EPB41: variants seen among roughly 807,000 people sequenced by gnomAD.
EPB41 encodes erythrocyte membrane protein band 4.1, also known as protein 4.1.
Under a neutral mutation model 108.0 loss-of-function variants are expected in EPB41, and 65 were observed. That is an observed-to-expected ratio of 0.60 (90% confidence interval 0.49 to 0.74). The LOEUF (loss-of-function observed/expected upper bound fraction) is 0.74, where lower values mean the gene tolerates loss of function less well. Among genes scored for constraint, EPB41 ranks in the 30% least tolerant of loss-of-function variants. The pLI is 0.00. For missense variants in EPB41, 875 were observed against 1,037.0 expected (o/e 0.84, Z 2.15); for synonymous variants, 336 against 358.9 (o/e 0.94, Z 0.72).
At chr1:28,980,828 ACT>A (rs2095723656) in intron 1 of EPB41, among the ~76,000 whole-genome samples, 1 of 125,870 alleles carries the variant, frequency 7.9e-6, no homozygotes, top group Non-Finnish European at 1.6e-5. Context: ...ATAGAGTCTC[ACT>A]CTGTCACCCA....
intron 17 of EPB41, among the ~76,000 whole-genome samples, chr1:29,100,469 T>A (rs376543512): frequency 6.9e-6 from 1 of 144,104 alleles, no homozygotes; most frequent in African/African-American, 2.5e-5. Context: ...TCTCAAAAAA[T>A]AAATAAATAA....
At chr1:28,995,709 T>C (rs938261751) in intron 3 of EPB41, among the ~76,000 whole-genome samples, 1 of 152,234 alleles carries the variant, frequency 6.6e-6, no homozygotes, top group African/African-American at 2.4e-5. Flanking sequence ...GTAAAAGATA[T>C]GAAGATTCAT....
intron 1 of EPB41, chr1:28,891,077 C>T: frequency 3.8e-6 from 3 of 797,584 alleles, no homozygotes; most frequent in Non-Finnish European, 4.6e-6. Context: ...GGGGTTTCCC[C>T]AGAGGGGCAG....
chr1:29,027,282 C>T (rs773624769), intron 7 of EPB41, among the ~76,000 whole-genome samples: 28 of 151,696 alleles, frequency 1.8e-4, no homozygotes, highest in Non-Finnish European at 3.7e-4. Flanking sequence ...CTACAGGTCA[C>T]TGCACCCAGC....
rs1646847401 is a variant in EPB41 at position 29,063,306 on chromosome 1, A to C, written c.2008-1676A>C. ...CCCATAGTGAAGTCCATATTCATAA[A>C]ATATATTCACATTTCATCCCAGCAA... On this transcript the variant is annotated intron_variant, in intron 15 of 20. Transcript: ENST00000343067. 2.6e-5 allele frequency among the ~76,000 whole-genome samples: 4 copies of C among 152,180 alleles called. No homozygotes were observed. The South Asian group carries it at 8.3e-4, about 31-fold the overall frequency.
upstream of EPB41, among the ~76,000 whole-genome samples, chr1:28,911,509 G>T (rs1315813861): frequency 1.3e-5 from 2 of 152,160 alleles, no homozygotes; most frequent in Admixed American, 6.5e-5. Flanking sequence ...ATGTGCCATT[G>T]GCTAGCACTT....
intron 1 of EPB41, among the ~76,000 whole-genome samples, chr1:28,980,483 G>A (rs1325414921): frequency 6.6e-6 from 1 of 152,100 alleles, no homozygotes; most frequent in Non-Finnish European, 1.5e-5. Context: ...GCTGAGGCAG[G>A]AGGATCATTT....
Position 28,950,858 on chromosome 1 carries a change from G to A in EPB41, c.-8+36090G>A, listed in dbSNP as rs540887018. Among the ~76,000 whole-genome samples the A allele has an allele frequency of 4.6e-5, 7 of 151,826 alleles. No homozygotes were observed. The East Asian group carries it at 9.6e-4, about 21-fold the overall frequency. On this transcript the variant is annotated intron_variant, in intron 1 of 20. Transcript: ENST00000343067. ...TTTCTGTACTTTTTTTTTTTGAGAC[G>A]GAGTTTTGCTCTTGTTGCCCAGGCT...
At chr1:28,970,643 T>G (rs1430298895) in intron 1 of EPB41, among the ~76,000 whole-genome samples, 1 of 152,226 alleles carries the variant, frequency 6.6e-6, no homozygotes, top group African/African-American at 2.4e-5. Flanking sequence ...ATAATGGCAT[T>G]AAAGACTTTT....
intron 1 of EPB41, among the ~76,000 whole-genome samples, chr1:28,900,066 GT>G (rs1218709165): frequency 2.0e-5 from 3 of 152,108 alleles, no homozygotes; most frequent in African/African-American, 7.2e-5. Flanking sequence ...TATTATTGTT[GT>G]TTTTGTCATC....
intron 7 of EPB41, among the ~76,000 whole-genome samples, chr1:29,027,560 A>G (rs1360783775): frequency 6.6e-6 from 1 of 151,542 alleles, no homozygotes; most frequent in African/African-American, 2.4e-5. Context: ...CAAACTCCCA[A>G]CCTCAGGTGA....
At chr1:29,046,890 T>A (rs533704607) in intron 11 of EPB41, among the ~76,000 whole-genome samples, 1 of 152,192 alleles carries the variant, frequency 6.6e-6, no homozygotes, top group Non-Finnish European at 1.5e-5. Context: ...GTCGTAATAC[T>A]CTTTTCTTTT....
At chr1:28,891,902 A>G (rs2090149779) in intron 1 of EPB41, among the ~76,000 whole-genome samples, 1 of 152,084 alleles carries the variant, frequency 6.6e-6, no homozygotes, top group Admixed American at 6.5e-5. Context: ...AGCCTGGCTA[A>G]CACGGTGAAA....
At chr1:28,962,861 G>A (rs1415451440) in intron 1 of EPB41, among the ~76,000 whole-genome samples, 1 of 152,054 alleles carries the variant, frequency 6.6e-6, no homozygotes, top group Non-Finnish European at 1.5e-5. Flanking sequence ...TGGGTGTGGG[G>A]TTCTCTCTCA....
At position 29,067,648 on chromosome 1, in the gene EPB41, C is replaced by T. The variant is rs192618131; in HGVS notation, c.2184+2490C>T. On this transcript the variant is annotated intron_variant, in intron 16 of 20. Transcript: ENST00000343067. Reference sequence around the variant, plus strand: ...CGCCACTGCACTCCAGCCTGGGCAACGGCAAGACTCCGTCTTAAAAAAAAA... The same window carrying T: ...CGCCACTGCACTCCAGCCTGGGCAATGGCAAGACTCCGTCTTAAAAAAAAA... Among the ~76,000 whole-genome samples the T allele has an allele frequency of 1.7e-3, 237 of 136,854 alleles. 1 individual carries two copies. Among genetic ancestry groups the T allele is most frequent in the Non-Finnish European group, 2.7e-3 (174 of 65,446 alleles). 89.8% of individuals were successfully genotyped at this position (136,854 alleles called of 152,430 possible). A position where few individuals can be genotyped will look rare whatever the true frequency, so the allele number is the denominator to read the frequency against.
chr1:29,069,108 CA>C (rs1290031599), intron 16 of EPB41: 1 of 1,188,784 alleles, frequency 8.4e-7, no homozygotes, highest in East Asian at 3.2e-5. Flanking sequence ...TATTTTCTTT[CA>C]AAAATCATCA....
intron 1 of EPB41, among the ~76,000 whole-genome samples, 190 bp downstream of exon 1, chr1:28,914,958 C>T (rs1371105368): frequency 6.6e-6 from 1 of 151,582 alleles, no homozygotes. Flanking sequence ...AGCCGGGACG[C>T]GGCCCGAGGA....
chr1:29,097,691 A>G, intron 16 of EPB41, 116 bp from the exon 17 acceptor site: 1 of 1,288,208 alleles, frequency 7.8e-7, no homozygotes. Context: ...ACCTTTGTAG[A>G]TTGAGCTAGC....
intron 11 of EPB41, among the ~76,000 whole-genome samples, chr1:29,048,295 A>G (rs1339984184): frequency 6.6e-6 from 1 of 151,622 alleles, no homozygotes; most frequent in African/African-American, 2.4e-5. Flanking sequence ...GCTCACCGCA[A>G]CCTCTGCCTC....
Sources: gnomAD v4.1 joint callset for allele counts (sites outside exome capture counted in the v4.1 genomes callset) on GRCh38, gnomAD v4.1.1 for gene constraint, MANE v1.5 for transcripts, NCBI Gene and HGNC (gene_info 2026-07-23, HGNC 2026-07-21) for gene names.